The following HMGXB4 variants were observed in gnomAD, a reference collection of about 807,000 sequenced individuals.
HMGXB4 encodes the protein HMG-box containing 4.
In HMGXB4, 27 loss-of-function variants were observed where a neutral mutation model predicts 63.9. The observed-to-expected ratio is 0.42, with a 90% CI of 0.31 to 0.58. HMGXB4 has a LOEUF of 0.58. Ranked by LOEUF, HMGXB4 falls within the 20% of genes least tolerant of loss-of-function variation. HMGXB4 has a pLI of 0.13. For synonymous variants in HMGXB4, 264 were observed against 265.3 expected (o/e 0.99, Z 0.05); for missense variants, 624 against 700.7 (o/e 0.89, Z 1.24).
rs571732184 is a variant in HMGXB4 at position 35,292,591 on chromosome 22, G to T, written c.1639-401G>T. On this transcript the variant is annotated intron_variant, in intron 9 of 10. Transcript: ENST00000216106. ...TCAAAAGCTACATACATGCAGGGTT[G>T]TAGGATTCTCATAGTAATCACATCT... Among the ~76,000 whole-genome samples the T allele has an allele frequency of 3.3e-5, 5 of 152,322 alleles. No individual in the cohort carries two copies. The South Asian group carries it at 1.0e-3, about 32-fold the overall frequency.
At chr22:35,258,881 G>A (rs1016505125) in intron 1 of HMGXB4, among the ~76,000 whole-genome samples, 1 of 152,190 alleles carries the variant, frequency 6.6e-6, no homozygotes, top group African/African-American at 2.4e-5. Flanking sequence ...CTTACTGTCC[G>A]TGTGACGGGG....
intron 9 of HMGXB4, among the ~76,000 whole-genome samples, chr22:35,291,528 C>A (rs1289806778): frequency 6.6e-6 from 1 of 152,024 alleles, no homozygotes; most frequent in East Asian, 1.9e-4. Context: ...AAACAATAAT[C>A]CTAGTCTAGA....
chr22:35,280,704 A>C (rs778037632), intron 5 of HMGXB4, among the ~76,000 whole-genome samples: 3 of 152,212 alleles, frequency 2.0e-5, no homozygotes, highest in Non-Finnish European at 4.4e-5. Context: ...TATGGGTTAC[A>C]TGGCCTCAGT....
chr22:35,278,050 G>A (rs1924017798), intron 5 of HMGXB4, among the ~76,000 whole-genome samples: 1 of 152,102 alleles, frequency 6.6e-6, no homozygotes, highest in African/African-American at 2.4e-5. Context: ...CCTTTTTATT[G>A]TCTCCATAGT....
chr22:35,275,805 G>T (rs1002396464), intron 5 of HMGXB4, among the ~76,000 whole-genome samples: 18 of 152,228 alleles, frequency 1.2e-4, no homozygotes, highest in Non-Finnish European at 1.9e-4. Flanking sequence ...TTTAAAAGGA[G>T]ATCCTGGTAG....
intron 5 of HMGXB4, among the ~76,000 whole-genome samples, chr22:35,269,305 G>C (rs1465578756): frequency 6.6e-6 from 1 of 152,204 alleles, no homozygotes; most frequent in Non-Finnish European, 1.5e-5. Context: ...TTGAACTTGG[G>C]AGGCAGAGGC....
At chr22:35,262,621 G>A (rs1018186273) in intron 2 of HMGXB4, 200 bp downstream of exon 2, 56 of 602,300 alleles carry the variant, frequency 9.3e-5, no homozygotes, top group Admixed American at 4.1e-4. Context: ...GTTCCAACAC[G>A]AGAGTCTGAA....
At chr22:35,243,506 G>GT in the HMGXB4 span, among the ~76,000 whole-genome samples, 12 of 151,928 alleles carry the variant, frequency 7.9e-5, no homozygotes, top group Middle Eastern at 3.4e-3. Context: ...ATATTTAAGA[G>GT]TTTTTTTTGT....
At chr22:35,264,183 C>G (rs896193574) in intron 4 of HMGXB4, 24 of 768,006 alleles carry the variant, frequency 3.1e-5, no homozygotes, top group Non-Finnish European at 4.7e-5. Flanking sequence ...AGTCCTCTGG[C>G]CTGCACCTGT....
chr22:35,262,151 C>T, intron 1 of HMGXB4, 172 bp from the exon 2 acceptor site: 1 of 524,180 alleles, frequency 1.9e-6, no homozygotes, highest in South Asian at 2.5e-5. Context: ...AGTATACTTC[C>T]TGCAGTATCA....
intron 6 of HMGXB4, among the ~76,000 whole-genome samples, chr22:35,285,100 T>C (rs540599639): frequency 2.0e-4 from 30 of 152,196 alleles, no homozygotes; most frequent in Non-Finnish European, 3.4e-4. Context: ...CCTTGTATTG[T>C]GGGATCAAAT....
chr22:35,270,924 A>T (rs1923564744), intron 5 of HMGXB4, among the ~76,000 whole-genome samples: 1 of 152,170 alleles, frequency 6.6e-6, no homozygotes, highest in South Asian at 2.1e-4. Flanking sequence ...CTTTTTAAAA[A>T]TATATTTTCC....
chr22:35,279,211 A>G (rs1924096784), intron 5 of HMGXB4, among the ~76,000 whole-genome samples: 2 of 128,248 alleles, frequency 1.6e-5, no homozygotes, highest in African/African-American at 3.0e-5. Flanking sequence ...CAATGGCACA[A>G]TCTCGGCTCA....
intron 5 of HMGXB4, among the ~76,000 whole-genome samples, chr22:35,278,993 G>A (rs1924073941): frequency 6.6e-6 from 1 of 151,978 alleles, no homozygotes; most frequent in African/African-American, 2.4e-5. Context: ...ACTGTAGTGA[G>A]CTATGATCGC....
At chr22:35,278,791 A>G (rs1009136667) in intron 5 of HMGXB4, among the ~76,000 whole-genome samples, 6 of 150,824 alleles carry the variant, frequency 4.0e-5, no homozygotes, top group Non-Finnish European at 8.9e-5. Context: ...TGGGGCTACA[A>G]GCATGCACCA....
At position 35,288,196 on chromosome 22, in the gene HMGXB4, G is replaced by A. The variant is rs946331226; in HGVS notation, c.1469-42G>A. 8 of 1,396,332 alleles carry A rather than the reference G, an allele frequency of 5.7e-6. No individual in the cohort carries two copies. In the Middle Eastern group the frequency reaches 5.8e-4, roughly 100 times the overall value. 86.5% of individuals were successfully genotyped at this position (1,396,332 alleles called of 1,614,324 possible). On this transcript the variant is annotated intron_variant, in intron 8 of 10. Coordinates refer to ENST00000216106, the MANE Select transcript of HMGXB4 (RefSeq NM_001003681.3). ...GAACAACTTTGTGTTGTTCAAGGCT[G>A]TAGGCAAGTTTTACCTGTCTGCCTC... is the stretch of plus-strand genomic sequence containing the variant.
intron 1 of HMGXB4, chr22:35,262,108 A>G (rs1922896933): frequency 8.0e-6 from 3 of 375,400 alleles, no homozygotes; most frequent in African/African-American, 2.1e-5. Flanking sequence ...CCAAATGACA[A>G]CTTTAATTCA....
At chr22:35,282,440 T>C (rs1009997366) in intron 5 of HMGXB4, among the ~76,000 whole-genome samples, 1 of 152,104 alleles carries the variant, frequency 6.6e-6, no homozygotes, top group Admixed American at 6.5e-5. Flanking sequence ...GGATTACAGG[T>C]GTGAGCTACC....
chr22:35,283,903 G>T (rs1924413635), intron 5 of HMGXB4, 59 bp from the exon 6 acceptor site: 20 of 1,235,710 alleles, frequency 1.6e-5, no homozygotes, highest in Non-Finnish European at 2.4e-5. Context: ...TGGATTCAGG[G>T]TTACTAAACC....
Sources: gnomAD v4.1 joint callset for allele counts (sites outside exome capture counted in the v4.1 genomes callset) on GRCh38, gnomAD v4.1.1 for gene constraint, MANE v1.5 for transcripts, NCBI Gene and HGNC (gene_info 2026-07-23, HGNC 2026-07-21) for gene names.